MDN1: variants seen among roughly 807,000 people sequenced by gnomAD.
The protein encoded by MDN1 is midasin AAA ATPase 1, also known as midasin.
In MDN1, 266 loss-of-function variants were observed where a neutral mutation model predicts 669.2. That is an observed-to-expected ratio of 0.40 (90% CI 0.36 to 0.44). The LOEUF is 0.44. Among genes scored for constraint, MDN1 ranks in the 20% least tolerant of loss-of-function variants. The pLI is 1.00. For synonymous variants in MDN1, 2,385 were observed against 2,457.1 expected, an observed-to-expected ratio of 0.97 and a Z score of 0.87; for missense variants, 5,940 against 6,754.0, an observed-to-expected ratio of 0.88 and a Z score of 4.22.
chr6:89,806,358 T>C (rs1306012912), intron 1 of MDN1, among the ~76,000 whole-genome samples: 1 of 151,920 alleles, frequency 6.6e-6, no homozygotes, highest in Non-Finnish European at 1.5e-5. Context: ...AGGCCAGGAG[T>C]TCGAGACCAA....
intron 7 of MDN1, 147 bp from the exon 8 acceptor site, chr6:89,788,104 T>TG: frequency 1.5e-6 from 1 of 680,012 alleles, no homozygotes; most frequent in East Asian, 2.8e-5. Flanking sequence ...AGTATGCAGG[T>TG]GGGAACGTCT....
intron 101 of MDN1, 67 bp from the exon 102 acceptor site, chr6:89,644,260 T>G (rs768839056): frequency 7.3e-5 from 98 of 1,339,168 alleles, no homozygotes; most frequent in Non-Finnish European, 9.6e-5. Flanking sequence ...CTAGCTCTTC[T>G]GTGATCTCTT....
At chr6:89,694,270 AAG>A in intron 61 of MDN1, 87 bp from the exon 62 acceptor site, 1 of 1,125,354 alleles carries the variant, frequency 8.9e-7, no homozygotes, top group Admixed American at 1.8e-5. Context: ...GTAGAGGAAC[AAG>A]ATGGAAGGAA....
At position 89,749,582 on chromosome 6, in the gene MDN1, A is replaced by C; in HGVS notation, c.3576T>G (p.Phe1192Leu). The change falls in exon 25 of 102, where the codon TTT (phenylalanine) becomes TTG (leucine). Residue 1192 changes from phenylalanine to leucine, a missense_variant. This residue lies in a region of MDN1 where 2,292 missense variants were observed against 2,638.3 expected (regional missense o/e 0.87). Coordinates refer to ENST00000369393, the MANE Select transcript of MDN1 (RefSeq NM_014611.3). ...AAAGTCCTGGGGGATTTTGGGTGGC[A>C]AAAAGCATAAACCGAGGGTGTGCTT... is the stretch of plus-strand genomic sequence containing the variant. The part of the protein sequence containing the change: ...VVKAHPRFML[F>L]ATQNPPGLYG... 2 of 1,614,196 alleles carry C rather than the reference A, an allele frequency of 1.2e-6. No individual in the cohort carries two copies. The highest frequency in any genetic ancestry group is 3.3e-5 in the Admixed American group (2 of 60,026).
chr6:89,688,567 C>T lies in MDN1; in HGVS notation c.11259+6G>A, dbSNP rs749688870. On this transcript the variant is annotated splice_donor_region_variant and intron_variant, in intron 66 of 101. Transcript: ENST00000369393. ...GTGAGCACTCCTTCCTCAACAGCTG[C>T]CCTACCTGTTCAAGCGCTGGGTGTT... is the stretch of plus-strand genomic sequence containing the variant. 6.2e-7 allele frequency: 1 copy of T among 1,611,672 alleles called. No homozygotes were observed. The highest frequency in any genetic ancestry group is 8.5e-7 in the Non-Finnish European group (1 of 1,178,450).
chr6:89,764,633 T>C (rs1044503358), intron 15 of MDN1, among the ~76,000 whole-genome samples: 1 of 152,082 alleles, frequency 6.6e-6, no homozygotes, highest in East Asian at 1.9e-4. Flanking sequence ...AGGAAAGGCT[T>C]TGTTGAGGAG....
At chr6:89,801,418 C>T (rs1033686073) in intron 2 of MDN1, among the ~76,000 whole-genome samples, 2 of 151,508 alleles carry the variant, frequency 1.3e-5, no homozygotes, top group African/African-American at 4.9e-5. Flanking sequence ...TCTGGGAGGT[C>T]GAGGTAGGCA....
chr6:89,729,043 T>G lies in MDN1; in HGVS notation c.5237A>C (p.Lys1746Thr), dbSNP rs780860282. The change falls in exon 36 of 102, where the codon AAG becomes ACG. Residue 1746 changes from lysine (K) to threonine (T), a missense_variant. By Grantham distance (78) the Lys-to-Thr change is moderately conservative. Around this residue, in one of 5 missense-constraint regions of MDN1, gnomAD observed 2,292 missense variants for 2,638.3 expected, o/e 0.87. Coordinates refer to ENST00000369393, the MANE Select transcript of MDN1 (RefSeq NM_014611.3). ...AQRLLRATKL[K>T]KPILLEGSPG... ...GGAACCCTCCAGGAGAATGGGCTTC[T>G]TCAGTTTGGTAGCTCTTAAGAGCCT... is the stretch of plus-strand genomic sequence containing the variant. 2 of 1,614,136 alleles carry G rather than the reference T, an allele frequency of 1.2e-6. No homozygotes were observed. The highest frequency in any genetic ancestry group is 1.1e-5 in the South Asian group (1 of 91,090).
At chr6:89,663,552 TACAA>T (rs956880686) in intron 85 of MDN1, among the ~76,000 whole-genome samples, 2 of 152,174 alleles carry the variant, frequency 1.3e-5, no homozygotes, top group Admixed American at 1.3e-4. Flanking sequence ...TGAATTATGG[TACAA>T]ACATATGACA....
chr6:89,770,955 A>G (rs1379343539), intron 15 of MDN1, among the ~76,000 whole-genome samples: 3 of 152,148 alleles, frequency 2.0e-5, no homozygotes, highest in African/African-American at 7.2e-5. Flanking sequence ...CACACCCATG[A>G]GCTCCTCAAT....
At chr6:89,749,806 A>C in intron 24 of MDN1, 55 bp from the exon 25 acceptor site, 1 of 1,335,364 alleles carries the variant, frequency 7.5e-7, no homozygotes, top group Non-Finnish European at 1.1e-6. Flanking sequence ...AAGTTTTAAA[A>C]TGCATTATGT....
In MDN1 at chr6:89,687,943, A is replaced by G. The variant is rs540297508; in HGVS notation, c.11355+135T>C. ...GCCTCACTTGCAATGATCTCACCCC[A>G]TGCCAGAAAAACCAAGGATGTTTAC... On this transcript the variant is annotated intron_variant, in intron 67 of 101. Transcript: ENST00000369393. 2.5e-5 allele frequency: 20 copies of G among 797,016 alleles called. No individual in the cohort carries two copies. In the East Asian group the frequency reaches 4.4e-4, roughly 18 times the overall value. The allele number at this position is 797,016 out of a possible 1,614,324, so 49.4% of individuals were successfully genotyped here.
At chr6:89,747,233 G>T in intron 27 of MDN1, 96 bp downstream of exon 27, 1 of 1,383,330 alleles carries the variant, frequency 7.2e-7, no homozygotes, top group Non-Finnish European at 9.9e-7. Flanking sequence ...CTAGTCAAAT[G>T]TATGTATCAA....
At chr6:89,665,999 C>CCA (rs1340207914) in intron 84 of MDN1, among the ~76,000 whole-genome samples, 1 of 152,194 alleles carries the variant, frequency 6.6e-6, no homozygotes, top group Non-Finnish European at 1.5e-5. Context: ...CAAGACTATG[C>CCA]CACTGCACTC....
intron 33 of MDN1, among the ~76,000 whole-genome samples, chr6:89,733,028 A>T (rs1251091458): frequency 6.6e-6 from 1 of 152,226 alleles, no homozygotes; most frequent in Non-Finnish European, 1.5e-5. Context: ...ATAGTTTTAG[A>T]TACTGACCTG....
Position 89,785,141 on chromosome 6 carries a change from A to G in MDN1, c.1335-15T>C, listed in dbSNP as rs748417605. 1.2e-4 allele frequency: 188 copies of G among 1,587,394 alleles called. No individual in the cohort carries two copies. Among genetic ancestry groups the G allele is most frequent in the Non-Finnish European group, 1.6e-4 (186 of 1,156,498 alleles). On this transcript the variant is annotated splice_polypyrimidine_tract_variant and intron_variant, in intron 8 of 101. Coordinates refer to ENST00000369393, the MANE Select transcript of MDN1 (RefSeq NM_014611.3). ...AGCTCAAGAGTCTACGTTTCAAAAT[A>G]AAAAACACAGTCACACAAAATTCCA...
chr6:89,647,494 T>C (rs777610900), intron 99 of MDN1, among the ~76,000 whole-genome samples: 3 of 152,072 alleles, frequency 2.0e-5, no homozygotes, highest in Non-Finnish European at 4.4e-5. Context: ...TGTTCCAAAC[T>C]ACTCGGAAAA....
chr6:89,797,276 A>T (rs373784569), intron 2 of MDN1, among the ~76,000 whole-genome samples: 28 of 149,976 alleles, frequency 1.9e-4, no homozygotes, highest in African/African-American at 6.9e-4. Context: ...AGGCTGAGGC[A>T]GGAGAATCGC....
chr6:89,707,488 T>C lies in MDN1; in HGVS notation c.7899-12A>G. The C allele has an allele frequency of 1.3e-6, 2 of 1,514,662 alleles. No homozygotes were observed. The highest frequency in any genetic ancestry group is 1.8e-6 in the Non-Finnish European group (2 of 1,089,912). The allele number at this position is 1,514,662 out of a possible 1,614,324, so 93.8% of individuals were successfully genotyped here. ...GATATATGATTGTCCTGGAATGAGA[T>C]TCAAAAAACGTAACAAATAGCTATC... is the stretch of plus-strand genomic sequence containing the variant. On this transcript the variant is annotated splice_polypyrimidine_tract_variant and intron_variant, in intron 51 of 101. Transcript: ENST00000369393.
Sources: allele counts gnomAD v4.1 joint callset (sites outside exome capture counted in the v4.1 genomes callset), GRCh38; gene constraint gnomAD v4.1.1; regional missense constraint gnomAD v4.1.1; transcripts MANE v1.5; gene names NCBI Gene and HGNC (gene_info 2026-07-23, HGNC 2026-07-21).